The following BLTP1 variants were observed in gnomAD, a reference collection of about 807,000 sequenced individuals.
BLTP1 encodes the protein bridge-like lipid transfer protein family member 1.
At chr4:122,274,487 G>T in the BLTP1 span, 2 of 1,562,906 alleles carry the variant, frequency 1.3e-6, no homozygotes, top group Non-Finnish European at 1.7e-6. Context: ...AGACAAAAAT[G>T]GAAATTCTTT....
At chr4:122,254,097 A>T in the BLTP1 span, 6 of 1,121,762 alleles carry the variant, frequency 5.3e-6, no homozygotes, top group South Asian at 9.6e-5. Context: ...CCCAGACTTG[A>T]TTTGATGAAA....
chr4:122,208,482 T>G, the BLTP1 span: 2 of 965,756 alleles, frequency 2.1e-6, no homozygotes, highest in Non-Finnish European at 2.5e-6. Context: ...TAAAAGCCAG[T>G]TGAAGAAATG....
the BLTP1 span, chr4:122,238,143 T>G: frequency 6.2e-7 from 1 of 1,613,804 alleles, no homozygotes; most frequent in Non-Finnish European, 8.5e-7. Flanking sequence ...TCAGTGGGAA[T>G]AGAAGTAGAG....
chr4:122,199,894 T>C, the BLTP1 span: 1 of 976,840 alleles, frequency 1.0e-6, no homozygotes, highest in Non-Finnish European at 1.2e-6. Flanking sequence ...ATACCCTGGA[T>C]TGTTTCATAT....
At chr4:122,346,557 T>C in the BLTP1 span, 150 of 1,568,344 alleles carry the variant, frequency 9.6e-5, no homozygotes, top group Non-Finnish European at 1.2e-4. Flanking sequence ...CCCTGTCTTA[T>C]ACCTACCATG....
the BLTP1 span, chr4:122,183,280 G>A: frequency 1.8e-5 from 11 of 608,928 alleles, no homozygotes; most frequent in African/African-American, 6.2e-5. Context: ...AGGCTGCAGT[G>A]AGCCATGGTT....
the BLTP1 span, chr4:122,244,924 T>C: frequency 7.1e-7 from 1 of 1,407,678 alleles, no homozygotes; most frequent in Non-Finnish European, 9.7e-7. Context: ...TTGTTGTACA[T>C]ATTCAGATGG....
At chr4:122,170,034 C>T in the BLTP1 span, 5 of 976,306 alleles carry the variant, frequency 5.1e-6, no homozygotes, top group Admixed American at 6.1e-5. Flanking sequence ...ACGCTGGGCG[C>T]GGTGGCTCAC....
chr4:122,273,853 T>C, the BLTP1 span, among the ~76,000 whole-genome samples: 1 of 152,070 alleles, frequency 6.6e-6, no homozygotes, highest in Non-Finnish European at 1.5e-5. Context: ...TTTATTAATA[T>C]GAACAATAAT....
At chr4:122,347,778 A>T in the BLTP1 span, 1 of 1,610,902 alleles carries the variant, frequency 6.2e-7, no homozygotes, top group South Asian at 1.1e-5. Context: ...TTCCTCGAAG[A>T]GGTAACACTG....
chr4:122,329,289 T>C, the BLTP1 span, among the ~76,000 whole-genome samples: 8 of 151,924 alleles, frequency 5.3e-5, 1 homozygote, highest in African/African-American at 1.9e-4. Context: ...AAAACTGTTC[T>C]GTTATCTTCC....
the BLTP1 span, chr4:122,324,332 C>T: frequency 1.6e-6 from 2 of 1,282,492 alleles, no homozygotes; most frequent in Non-Finnish European, 2.1e-6. Context: ...CTGGGGAAAA[C>T]AACTTATTTA....
chr4:122,161,119 T>C, the BLTP1 span: 1 of 983,554 alleles, frequency 1.0e-6, no homozygotes, highest in Non-Finnish European at 1.2e-6. Context: ...AAAGGAGAGC[T>C]CTAAAGTTGG....
At chr4:122,250,351 T>TA in the BLTP1 span, 3 of 1,587,218 alleles carry the variant, frequency 1.9e-6, no homozygotes. Flanking sequence ...TGCTTTTTTT[T>TA]ATTTTTATAG....
the BLTP1 span, chr4:122,298,672 T>C: frequency 6.5e-5 from 1 of 15,376 alleles, no homozygotes; most frequent in South Asian, 2.8e-3. Context: ...TATTTAAACA[T>C]ATAATAATAA....
the BLTP1 span, chr4:122,289,675 A>C: frequency 6.2e-6 from 6 of 972,804 alleles, no homozygotes; most frequent in African/African-American, 8.8e-5. Flanking sequence ...GTATTAGGGA[A>C]TTAGGGTGAA....
At chr4:122,290,812 TACACACACACACACACACAC>T in the BLTP1 span, 2 of 92,586 alleles carry the variant, frequency 2.2e-5, no homozygotes, top group African/African-American at 8.7e-5. Context: ...AAAAAAAATA[TACACACACACACACACACAC>T]ACACACACAC....
At chr4:122,188,092 A>G in the BLTP1 span, 1 of 1,468,338 alleles carries the variant, frequency 6.8e-7, no homozygotes, top group Admixed American at 2.6e-5. Context: ...ATGATGAGTA[A>G]GAAAATCTTA....
the BLTP1 span, among the ~76,000 whole-genome samples, chr4:122,182,013 G>T: frequency 6.6e-6 from 1 of 151,648 alleles, no homozygotes; most frequent in South Asian, 2.1e-4. Flanking sequence ...TTTTTCTATT[G>T]AAAATCATTG....
Sources: allele counts gnomAD v4.1 joint callset (sites outside exome capture counted in the v4.1 genomes callset), GRCh38; gene constraint gnomAD v4.1.1; transcripts MANE v1.5; gene names NCBI Gene and HGNC (gene_info 2026-07-23, HGNC 2026-07-21).